Variants in ENOX1 observed in about 807,000 individuals in gnomAD.
ENOX1 encodes ecto-NOX disulfide-thiol exchanger 1.
In ENOX1, 42 loss-of-function variants were observed where a neutral mutation model predicts 82.5. The observed-to-expected ratio is 0.51, with a 90% CI of 0.40 to 0.66. The LOEUF (loss-of-function observed/expected upper bound fraction) is 0.66. Ranked by LOEUF, ENOX1 falls within the 30% of genes least tolerant of loss-of-function variation. The pLI is 0.00. For synonymous variants in ENOX1, 271 were observed against 282.2 expected (o/e 0.96, Z 0.40); for missense variants, 608 against 811.6 (o/e 0.75, Z 3.05).
chr13:43,268,181 G>A (rs887418100), intron 13 of ENOX1, among the ~76,000 whole-genome samples: 3 of 152,048 alleles, frequency 2.0e-5, no homozygotes, highest in Admixed American at 6.6e-5. Flanking sequence ...AAAAAAAATC[G>A]GGGTGAGAGA....
At chr13:43,392,972 A>G (rs76629571) in intron 5 of ENOX1, among the ~76,000 whole-genome samples, 4,599 of 152,180 alleles carry the variant, frequency 0.03, 90 homozygotes, top group Middle Eastern at 0.048. Context: ...CTGGAGTGGG[A>G]TGGGTCCCTA....
At chr13:43,745,008 T>C (rs994682911) in intron 1 of ENOX1, among the ~76,000 whole-genome samples, 2 of 152,214 alleles carry the variant, frequency 1.3e-5, no homozygotes, top group African/African-American at 2.4e-5. Context: ...AAACATTCAC[T>C]TGCAAATGAT....
intron 8 of ENOX1, among the ~76,000 whole-genome samples, chr13:43,345,414 T>A (rs891386880): frequency 6.6e-6 from 1 of 152,316 alleles, no homozygotes; most frequent in South Asian, 2.1e-4. Flanking sequence ...CGTGTTTGCT[T>A]TAGATGGCTA....
intron 2 of ENOX1, among the ~76,000 whole-genome samples, chr13:43,599,744 G>A (rs1231717229): frequency 1.3e-5 from 2 of 151,298 alleles, no homozygotes; most frequent in East Asian, 4.0e-4. Context: ...AGGCAGCACA[G>A]CTCACAGCTC....
intron 2 of ENOX1, among the ~76,000 whole-genome samples, chr13:43,491,047 T>C (rs1447090122): frequency 6.6e-6 from 1 of 152,150 alleles, no homozygotes; most frequent in Non-Finnish European, 1.5e-5. Flanking sequence ...TGGCTTATGG[T>C]TCTTCAGCCT....
chr13:43,458,967 A>G (rs2057347067), intron 3 of ENOX1: 1 of 152,190 alleles, frequency 6.6e-6, no homozygotes, highest in Admixed American at 6.5e-5. Flanking sequence ...AGACTGGATG[A>G]GTTGCTCTGC....
intron 11 of ENOX1, among the ~76,000 whole-genome samples, chr13:43,309,729 G>A (rs1218154923): frequency 6.6e-6 from 1 of 152,186 alleles, no homozygotes; most frequent in East Asian, 1.9e-4. Flanking sequence ...ATAAATTACA[G>A]CAATTTTTCC....
chr13:43,479,436 C>T (rs1043321296), intron 3 of ENOX1, among the ~76,000 whole-genome samples: 3 of 152,144 alleles, frequency 2.0e-5, no homozygotes, highest in Admixed American at 2.0e-4. Flanking sequence ...TGGCATCAGC[C>T]CCACCACTTC....
chr13:43,287,267 G>A (rs1389912448), intron 12 of ENOX1, among the ~76,000 whole-genome samples: 2 of 152,198 alleles, frequency 1.3e-5, no homozygotes, highest in Non-Finnish European at 2.9e-5. Context: ...AGGCCACCCT[G>A]TGTCAGGAAA....
At chr13:43,663,256 C>G (rs9594989) in intron 2 of ENOX1, among the ~76,000 whole-genome samples, 39,647 of 151,988 alleles carry the variant, frequency 0.26, 8,003 homozygotes, top group African/African-American at 0.57. Flanking sequence ...ACAAAAGAAG[C>G]TTCAACAATG....
In ENOX1 at chr13:43,390,534, T is replaced by A. The variant is rs1181496546; in HGVS notation, c.208+21382A>T. Among the ~76,000 whole-genome samples, 2 of 152,136 alleles carry A rather than the reference T, an allele frequency of 1.3e-5. 1 individual carries two copies. Among genetic ancestry groups the A allele is most frequent in the Non-Finnish European group, 2.9e-5 (2 of 68,012 alleles). On this transcript the variant is annotated intron_variant, in intron 5 of 16. Coordinates refer to ENST00000690772, the MANE Select transcript of ENOX1 (RefSeq NM_001347969.2). ...TAATCCTAGACCAAGGATTCACCAT[T>A]TTTCTGTCTCAGTTTCACCATCTGT...
At chr13:43,550,299 T>C (rs988525405) in intron 2 of ENOX1, among the ~76,000 whole-genome samples, 1 of 152,192 alleles carries the variant, frequency 6.6e-6, no homozygotes, top group Non-Finnish European at 1.5e-5. Flanking sequence ...GGTAAACTAA[T>C]ATGAGCTGTG....
At chr13:43,784,959 CA>C (rs1334361931) in intron 1 of ENOX1, among the ~76,000 whole-genome samples, 2 of 152,216 alleles carry the variant, frequency 1.3e-5, no homozygotes, top group Admixed American at 6.5e-5. Context: ...TATATTTCTT[CA>C]AAGGCTCTAA....
chr13:43,476,071 T>C (rs1181775197), intron 3 of ENOX1, among the ~76,000 whole-genome samples: 5 of 152,112 alleles, frequency 3.3e-5, no homozygotes, highest in African/African-American at 2.4e-5. Flanking sequence ...AGTGTTTCAA[T>C]AGATGAAAGA....
At chr13:43,488,814 C>G (rs1304146771) in intron 2 of ENOX1, among the ~76,000 whole-genome samples, 7 of 152,126 alleles carry the variant, frequency 4.6e-5, no homozygotes, top group Non-Finnish European at 4.4e-5. Flanking sequence ...GAACAGGGTA[C>G]TGGAAGCTAG....
chr13:43,628,322 AT>A (rs2083058395), intron 2 of ENOX1, among the ~76,000 whole-genome samples: 1 of 152,098 alleles, frequency 6.6e-6, no homozygotes, highest in Admixed American at 6.6e-5. Context: ...CATCATTGAG[AT>A]TGGAATTTCT....
chr13:43,233,042 T>C (rs1261043326), intron 15 of ENOX1, among the ~76,000 whole-genome samples: 1 of 152,166 alleles, frequency 6.6e-6, no homozygotes, highest in Non-Finnish European at 1.5e-5. Flanking sequence ...ACTCATTCTA[T>C]CCCAAACAAC....
At chr13:43,656,712 C>G (rs1047659033) in intron 2 of ENOX1, among the ~76,000 whole-genome samples, 1 of 152,172 alleles carries the variant, frequency 6.6e-6, no homozygotes, top group Non-Finnish European at 1.5e-5. Flanking sequence ...CCAGTTTCAG[C>G]CTTGAATCTG....
intron 1 of ENOX1, 45 bp from the exon 2 acceptor site, chr13:43,667,589 A>G (rs1594331390): frequency 1.5e-6 from 1 of 678,968 alleles, no homozygotes; most frequent in Non-Finnish European, 1.8e-6. Flanking sequence ...TCAAACATCA[A>G]TTTCAGAGAG....
Sources: gnomAD v4.1 joint callset for allele counts (sites outside exome capture counted in the v4.1 genomes callset) on GRCh38, gnomAD v4.1.1 for gene constraint, MANE v1.5 for transcripts, NCBI Gene and HGNC (gene_info 2026-07-23, HGNC 2026-07-21) for gene names.